The following COL6A3 variants were observed in gnomAD, a reference collection of about 807,000 sequenced individuals.
COL6A3 encodes collagen type VI alpha 3 chain.
Under a neutral mutation model 274.1 loss-of-function variants are expected in COL6A3, and 137 were observed. The ratio of observed to expected loss-of-function variants is 0.50; its 90% CI spans 0.44 to 0.58. The LOEUF is 0.58. Ranked by LOEUF, COL6A3 falls within the 20% of genes least tolerant of loss-of-function variation. The probability of loss-of-function intolerance (pLI) is 0.00; values close to 1 mark genes in which losing one functional copy is unlikely to be tolerated. For synonymous variants in COL6A3, 1,650 were observed against 1,650.6 expected (o/e 1.00, Z 0.01); for missense variants, 3,950 against 4,124.9 (o/e 0.96, Z 1.16).
Position 237,348,627 on chromosome 2 carries a change from G to T in COL6A3, c.6916C>A (p.Arg2306Ser), listed in dbSNP as rs370862741. 4 of 1,614,082 alleles carry T rather than the reference G, an allele frequency of 2.5e-6. No individual in the cohort carries two copies. Among genetic ancestry groups the T allele is most frequent in the African/African-American group, 2.7e-5 (2 of 75,026 alleles). Residue 2306 changes from arginine (R) to serine (S), a missense_variant, in exon 29 of 44, where the codon CGC (arginine) becomes AGC (serine). By Grantham distance (110) the Arg-to-Ser change is moderately radical. Coordinates refer to ENST00000295550, the MANE Select transcript of COL6A3 (RefSeq NM_004369.4). ...CAGATACGTACTTTTTTGCCTCTGCGTCCTTCACTGCCAACTCCGTCTCTC... is the reference window on the plus strand; with the variant it reads ...CAGATACGTACTTTTTTGCCTCTGCTTCCTTCACTGCCAACTCCGTCTCTC... ...DGRDGVGSEG[R>S]RGKKGERGFP...
At position 237,344,795 on chromosome 2, in the gene COL6A3, T is replaced by A; in HGVS notation, c.7223A>T (p.Asp2408Val). ...VFPTELAFALDTSEGVNQDTF... is the reference protein window; with the variant it reads ...VFPTELAFALVTSEGVNQDTF... ...GTCTTGGTTGACTCCCTCAGAGGTG[T>A]CTAAAGCAAAGGCTAGTTCTGTTGG... is the stretch of plus-strand genomic sequence containing the variant. Residue 2408 changes from aspartate (D) to valine (V), a missense_variant, in exon 36 of 44, where the codon GAC becomes GTC. Physicochemically the swap from Asp to Val is radical, Grantham distance 152. Coordinates refer to ENST00000295550, the MANE Select transcript of COL6A3 (RefSeq NM_004369.4). This position sits in a 1 kb window ranked among gnomAD's most constrained non-coding sequence, Gnocchi z 4.8. 1 of 1,610,458 alleles carries A rather than the reference T, an allele frequency of 6.2e-7. No individual in the cohort carries two copies. The highest frequency in any genetic ancestry group is 8.5e-7 in the Non-Finnish European group (1 of 1,179,124).
At chr2:237,393,787 G>C (rs1169943983) in intron 3 of COL6A3, among the ~76,000 whole-genome samples, 3 of 152,238 alleles carry the variant, frequency 2.0e-5, no homozygotes, top group Non-Finnish European at 4.4e-5. Context: ...TGGAAGGAGA[G>C]CTAACAGGCT....
At position 237,342,066 on chromosome 2, in the gene COL6A3, C is replaced by T. The variant is rs1407366621; in HGVS notation, c.7764G>A (p.Leu2588=). 1 of 1,613,884 alleles carries T rather than the reference C, an allele frequency of 6.2e-7. No individual in the cohort carries two copies. The highest frequency in any genetic ancestry group is 8.5e-7 in the Non-Finnish European group (1 of 1,179,918). ...CTTCCTGTTAGAGAAACAGCTTACCCAAGCAAACATGACACGTGAGGACAT... is the reference window on the plus strand; with the variant it reads ...CTTCCTGTTAGAGAAACAGCTTACCTAAGCAAACATGACACGTGAGGACAT... ...LENVLTCHVC[L]DICNIDPSCG... is the part of the protein sequence containing the mutation. Residue 2588 remains leucine, a splice_region_variant and synonymous_variant, in exon 37 of 44, where the codon TTG becomes TTA. Coordinates refer to ENST00000295550, the MANE Select transcript of COL6A3 (RefSeq NM_004369.4).
rs747775023 is a variant in COL6A3 at position 237,379,013 on chromosome 2, C to T, written c.2120G>A (p.Arg707Lys). The change falls in exon 6 of 44, where the codon AGG (arginine) becomes AAG (lysine). Residue 707 changes from arginine to lysine, a missense_variant. Arg to Lys is a conservative substitution (Grantham distance 26). This residue lies in a region of COL6A3 where 1,934 missense variants were observed against 1,984.3 expected (regional missense o/e 0.97). Coordinates refer to ENST00000295550, the MANE Select transcript of COL6A3 (RefSeq NM_004369.4). ...CGAACCTCCCTGGAGCTGCAGCTGC[C>T]TCAGATGACCAAGGATATCTGACTT... ...QTKSDILGHL[R>K]QLQLQGGSGL... 6.2e-7 allele frequency: 1 copy of T among 1,614,162 alleles called. No individual in the cohort carries two copies. Among genetic ancestry groups the T allele is most frequent in the Non-Finnish European group, 8.5e-7 (1 of 1,180,026 alleles).
chr2:237,399,144 A>G (rs978277790), intron 1 of COL6A3, among the ~76,000 whole-genome samples: 1 of 152,330 alleles, frequency 6.6e-6, no homozygotes, highest in East Asian at 1.9e-4. Context: ...TTATTTCTCC[A>G]TGAAAACCCC....
Position 237,372,254 on chromosome 2 carries a change from T to C in COL6A3, c.3763A>G (p.Ile1255Val). 6.2e-7 allele frequency: 1 copy of C among 1,613,860 alleles called. No homozygotes were observed. The highest frequency in any genetic ancestry group is 8.5e-7 in the Non-Finnish European group (1 of 1,179,992). The change falls in exon 9 of 44, where the codon ATA (isoleucine) becomes GTA (valine). Residue 1255 changes from isoleucine (I) to valine (V), a missense_variant. By Grantham distance (29) the Ile-to-Val change is conservative. This residue lies in a region of COL6A3 where 1,934 missense variants were observed against 1,984.3 expected (regional missense o/e 0.97). Transcript: ENST00000295550. ...TCCAGGTAGTCAACCAGCCTCTCTA[T>C]GAGGGTGCGAACGTACTGGAACTCA... is the stretch of plus-strand genomic sequence containing the variant. Reference protein sequence around the residue: ...GPEFQYVRTLIERLVDYLDVG... With the variant: ...GPEFQYVRTLVERLVDYLDVG...
chr2:237,335,627 C>A (rs544957230), intron 40 of COL6A3, among the ~76,000 whole-genome samples: 14 of 152,226 alleles, frequency 9.2e-5, no homozygotes, highest in East Asian at 1.9e-4. Context: ...CAGCTTAGGG[C>A]CCCTTTTCTG....
chr2:237,375,122 A>G, intron 7 of COL6A3, 102 bp from the exon 8 acceptor site: 1 of 1,544,190 alleles, frequency 6.5e-7, no homozygotes, highest in Non-Finnish European at 8.8e-7. Context: ...GTCCAAGTCC[A>G]AATCCCCGAA....
At chr2:237,334,276 G>A (rs936312923) in intron 41 of COL6A3, among the ~76,000 whole-genome samples, 76 of 152,282 alleles carry the variant, frequency 5.0e-4, no homozygotes, top group African/African-American at 1.7e-3. Flanking sequence ...AAACCTGGAC[G>A]GGGTGGTGGG....
chr2:237,367,093 G>A lies in COL6A3; in HGVS notation c.5094C>T (p.Thr1698=), dbSNP rs2077573126. The change falls in exon 11 of 44, where the codon ACC becomes ACT. Residue 1698 remains threonine, a synonymous_variant. Transcript: ENST00000295550. ...TDEFFLKDFS[T]KRQIIDAINK... ...TGATGGCGTCAATAATCTGCCTCTT[G>A]GTAGAGAAGTCCTTCAGGAAGAATT... is the stretch of plus-strand genomic sequence containing the variant. 2 of 1,614,150 alleles carry A rather than the reference G, an allele frequency of 1.2e-6. No individual in the cohort carries two copies. Among genetic ancestry groups the A allele is most frequent in the South Asian group, 2.2e-5 (2 of 91,068 alleles).
intron 4 of COL6A3, among the ~76,000 whole-genome samples, chr2:237,383,685 T>C (rs914922518): frequency 4.6e-5 from 7 of 152,138 alleles, no homozygotes; most frequent in Admixed American, 1.3e-4. Context: ...AGCTACTTGC[T>C]CCTATACCAA....
At chr2:237,334,560 C>T in intron 41 of COL6A3, 66 bp downstream of exon 41, 3 of 1,538,596 alleles carry the variant, frequency 1.9e-6, no homozygotes, top group Non-Finnish European at 1.8e-6. Context: ...GTAAGTGTCT[C>T]CTTTGTGTCC....
intron 42 of COL6A3, among the ~76,000 whole-genome samples, chr2:237,331,146 G>C (rs1416829498): frequency 3.3e-5 from 5 of 152,164 alleles, no homozygotes; most frequent in Admixed American, 3.3e-4. Flanking sequence ...ACTTCATTTT[G>C]CCTGAATGGT....
At chr2:237,356,168 A>G (rs2077312237) in intron 23 of COL6A3, among the ~76,000 whole-genome samples, 1 of 152,214 alleles carries the variant, frequency 6.6e-6, no homozygotes, top group Non-Finnish European at 1.5e-5. Context: ...AATTAATTGT[A>G]TGAACTACTC....
Position 237,345,976 on chromosome 2 carries a change from G to C in COL6A3, c.7092+527C>G, listed in dbSNP as rs534665994. Among the ~76,000 whole-genome samples the C allele has an allele frequency of 3.2e-4, 48 of 152,264 alleles. No homozygotes were observed. In the South Asian group the frequency reaches 8.5e-3, roughly 27 times the overall value. ...ATTTCAATATTGAGGGACAATATATGGAGAAATTCAAATAAGAAAACAAAG... is the reference window on the plus strand; with the variant it reads ...ATTTCAATATTGAGGGACAATATATCGAGAAATTCAAATAAGAAAACAAAG... On this transcript the variant is annotated intron_variant, in intron 32 of 43. Coordinates refer to ENST00000295550, the MANE Select transcript of COL6A3 (RefSeq NM_004369.4).
chr2:237,350,691 G>A (rs1184037457), intron 27 of COL6A3, among the ~76,000 whole-genome samples: 1 of 152,192 alleles, frequency 6.6e-6, no homozygotes, highest in Non-Finnish European at 1.5e-5. Context: ...TCAGGGTCGG[G>A]GCTCTTGGAT....
At chr2:237,402,994 T>A (rs1458116086) in intron 1 of COL6A3, among the ~76,000 whole-genome samples, 1 of 151,830 alleles carries the variant, frequency 6.6e-6, no homozygotes, top group Admixed American at 6.6e-5. Flanking sequence ...CAGAGGAGAG[T>A]CTGTCCGGCT....
At position 237,364,686 on chromosome 2, in the gene COL6A3, C is replaced by T. The variant is rs2077508719; in HGVS notation, c.5839-258G>A. The stretch of plus-strand genomic sequence containing the variant: ...ATAAAAACAATTTTTATCTCATTCT[C>T]ATATTTCTAAGATGTAGTTTCTGCG... On this transcript the variant is annotated intron_variant, in intron 12 of 43. Coordinates refer to ENST00000295550, the MANE Select transcript of COL6A3 (RefSeq NM_004369.4). The surrounding 1 kb of genome is among the most constrained non-coding windows in gnomAD (Gnocchi z 4.6). Among the ~76,000 whole-genome samples the T allele has an allele frequency of 6.6e-6, 1 of 152,124 alleles. No individual in the cohort carries two copies. Among genetic ancestry groups the T allele is most frequent in the African/African-American group, 2.4e-5 (1 of 41,420 alleles).
Position 237,387,948 on chromosome 2 carries a change from C to A in COL6A3, c.946G>T (p.Gly316Cys), listed in dbSNP as rs1276065317. Residue 316 changes from glycine to cysteine, a missense_variant, in exon 4 of 44, where the codon GGT becomes TGT. Around this residue, in one of 5 missense-constraint regions of COL6A3, gnomAD observed 1,934 missense variants for 1,984.3 expected, o/e 0.97. Transcript: ENST00000295550. ...AGGCCGATATTGGCCAACTCCCCACCAGCAAACCCGAGGGCTTTCACTGCA... is the reference window on the plus strand; with the variant it reads ...AGGCCGATATTGGCCAACTCCCCACAAGCAAACCCGAGGGCTTTCACTGCA... ...LGAVKALGFA[G>C]GELANIGLAL... The A allele has an allele frequency of 6.2e-7, 1 of 1,614,228 alleles. No homozygotes were observed. The highest frequency in any genetic ancestry group is 2.2e-5 in the East Asian group (1 of 44,888).
Sources: allele counts gnomAD v4.1 joint callset (sites outside exome capture counted in the v4.1 genomes callset), GRCh38; gene constraint gnomAD v4.1.1; regional missense constraint gnomAD v4.1.1; non-coding constraint Gnocchi (gnomAD v3.1); transcripts MANE v1.5; gene names NCBI Gene and HGNC (gene_info 2026-07-23, HGNC 2026-07-21).